SUSD1: variants seen among roughly 807,000 people sequenced by gnomAD.
SUSD1 encodes sushi domain containing 1, also known as sushi domain-containing protein 1.
A neutral mutation model predicts 86.9 loss-of-function variants in SUSD1; 65 were observed. The observed-to-expected ratio is 0.75, with a 90% CI of 0.61 to 0.92. The LOEUF (loss-of-function observed/expected upper bound fraction) is 0.92, where lower values mean the gene tolerates loss of function less well. Ranked by LOEUF, SUSD1 falls within the 40% of genes least tolerant of loss-of-function variation. The pLI is 0.00. For missense variants in SUSD1, 850 were observed against 929.7 expected (o/e 0.91, Z 1.11); for synonymous variants, 346 against 350.0 (o/e 0.99, Z 0.13).
At chr9:112,157,634 T>G (rs1238514512) in intron 1 of SUSD1, 21 bp from the exon 2 acceptor site, 3 of 1,598,498 alleles carry the variant, frequency 1.9e-6, no homozygotes, top group Non-Finnish European at 2.6e-6. Flanking sequence ...AATTGTATGT[T>G]TCAGAAAAAG....
rs146532091 is a variant in SUSD1, at chr9:112,081,753, G to A, written c.1475-1588C>T. On this transcript the variant is annotated intron_variant, in intron 10 of 16. Transcript: ENST00000374270. ...TACAAAAATCCAAAATAAAATATTAGCACAAAGAAGTCAGTAGTACATTCA... is the reference window on the plus strand; with the variant it reads ...TACAAAAATCCAAAATAAAATATTAACACAAAGAAGTCAGTAGTACATTCA... Among the ~76,000 whole-genome samples the A allele has an allele frequency of 8.5e-5, 13 of 152,162 alleles. No individual in the cohort carries two copies. In the East Asian group the frequency reaches 2.5e-3, roughly 29 times the overall value.
intron 1 of SUSD1, among the ~76,000 whole-genome samples, 184 bp downstream of exon 1, chr9:112,174,948 GC>G (rs1296209147): frequency 6.6e-6 from 1 of 151,496 alleles, no homozygotes; most frequent in Non-Finnish European, 1.5e-5. Context: ...CCGGCGGGGA[GC>G]CCCCCGCTTC....
At chr9:112,148,587 CAG>C (rs1340995437) in intron 3 of SUSD1, among the ~76,000 whole-genome samples, 2 of 152,238 alleles carry the variant, frequency 1.3e-5, no homozygotes, top group Admixed American at 1.3e-4. Context: ...ACACCATCTC[CAG>C]AGAGTCCCTC....
intron 13 of SUSD1, 32 bp from the exon 14 acceptor site, chr9:112,058,718 C>CCCTT: frequency 6.2e-7 from 1 of 1,609,424 alleles, no homozygotes; most frequent in Non-Finnish European, 8.5e-7. Context: ...GTCCATCAGA[C>CCCTT]CCTTGCATGG....
At chr9:112,162,040 T>G (rs1833593880) in intron 1 of SUSD1, among the ~76,000 whole-genome samples, 1 of 152,098 alleles carries the variant, frequency 6.6e-6, no homozygotes, top group Non-Finnish European at 1.5e-5. Flanking sequence ...AAAATTACAG[T>G]TTTTACTTTA....
At chr9:112,164,213 A>C (rs958099573) in intron 1 of SUSD1, among the ~76,000 whole-genome samples, 3 of 152,186 alleles carry the variant, frequency 2.0e-5, no homozygotes, top group Non-Finnish European at 4.4e-5. Flanking sequence ...GTTCAAGTTT[A>C]TTTAATAAAT....
At chr9:112,087,273 C>A (rs914145874) in intron 10 of SUSD1, among the ~76,000 whole-genome samples, 1 of 152,150 alleles carries the variant, frequency 6.6e-6, no homozygotes, top group Non-Finnish European at 1.5e-5. Context: ...CTGAACCCTG[C>A]TGGGTTCAAG....
At chr9:112,052,179 C>T (rs937098572) in intron 15 of SUSD1, 52 of 1,480,356 alleles carry the variant, frequency 3.5e-5, no homozygotes, top group Admixed American at 1.9e-4. Context: ...AGTCCCAGTT[C>T]CTGGAGCCTT....
Position 112,133,167 on chromosome 9 carries a change from C to T in SUSD1, c.707-8731G>A, listed in dbSNP as rs139354095. On this transcript the variant is annotated intron_variant, in intron 5 of 16. Coordinates refer to ENST00000374270, the MANE Select transcript of SUSD1 (RefSeq NM_022486.5). ...AGCCAGGCATGTAGTCCCAGCTACT[C>T]GGGAGACTCAGGCAGGAAGATCCCT... Among the ~76,000 whole-genome samples, 66 of 152,208 alleles carry T rather than the reference C, an allele frequency of 4.3e-4. No homozygotes were observed. The East Asian group carries it at 0.012, about 27-fold the overall frequency.
At chr9:112,086,335 T>C (rs1453933586) in intron 10 of SUSD1, among the ~76,000 whole-genome samples, 1 of 143,224 alleles carries the variant, frequency 7.0e-6, no homozygotes, top group Non-Finnish European at 1.5e-5. Flanking sequence ...ATCTGTTAAA[T>C]AGAAAAATAA....
At chr9:112,151,747 C>G (rs1460430446) in intron 2 of SUSD1, among the ~76,000 whole-genome samples, 2 of 151,076 alleles carry the variant, frequency 1.3e-5, no homozygotes, top group Non-Finnish European at 2.9e-5. Context: ...ACTAAAAATA[C>G]AAAAATTAGG....
intron 12 of SUSD1, among the ~76,000 whole-genome samples, chr9:112,074,790 G>T (rs986603081): frequency 2.0e-5 from 3 of 150,280 alleles, no homozygotes; most frequent in African/African-American, 7.3e-5. Flanking sequence ...AAAGAAAGGG[G>T]TTGGTTTTTT....
At chr9:112,058,179 G>T (rs925226278) in intron 14 of SUSD1, among the ~76,000 whole-genome samples, 5 of 141,172 alleles carry the variant, frequency 3.5e-5, no homozygotes, top group Non-Finnish European at 7.5e-5. Context: ...CATCTGTAAA[G>T]CTTAAGAGTA....
At chr9:112,140,805 G>A (rs966178382) in intron 5 of SUSD1, among the ~76,000 whole-genome samples, 2 of 152,162 alleles carry the variant, frequency 1.3e-5, no homozygotes, top group African/African-American at 2.4e-5. Context: ...GTCACAGAGT[G>A]TACTTACACA....
chr9:112,135,084 AATGTT>A (rs1334453947), intron 5 of SUSD1, among the ~76,000 whole-genome samples: 1 of 152,080 alleles, frequency 6.6e-6, no homozygotes, highest in Admixed American at 6.6e-5. Flanking sequence ...AAGAAAAGAA[AATGTT>A]ATTGCAAGCA....
At chr9:112,066,404 C>T (rs2131513220) in intron 12 of SUSD1, among the ~76,000 whole-genome samples, 1 of 152,302 alleles carries the variant, frequency 6.6e-6, no homozygotes. Flanking sequence ...CTTGAGTACA[C>T]AGGAAATGTC....
chr9:112,088,119 A>G (rs912073743), intron 10 of SUSD1, among the ~76,000 whole-genome samples: 3 of 152,262 alleles, frequency 2.0e-5, no homozygotes, highest in South Asian at 2.1e-4. Flanking sequence ...AGATTTTTAT[A>G]TCTAGCCAAG....
intron 1 of SUSD1, among the ~76,000 whole-genome samples, chr9:112,158,731 C>T (rs919097592): frequency 2.6e-5 from 4 of 152,142 alleles, no homozygotes; most frequent in Admixed American, 2.6e-4. Flanking sequence ...GCATCTTCCT[C>T]TGTGCTCCCC....
intron 1 of SUSD1, among the ~76,000 whole-genome samples, chr9:112,165,438 C>A (rs978037771): frequency 4.3e-5 from 5 of 115,202 alleles, no homozygotes; most frequent in East Asian, 2.6e-4. Flanking sequence ...GAGACAAGGT[C>A]TCGCTCTGTC....
Sources: allele counts gnomAD v4.1 joint callset (sites outside exome capture counted in the v4.1 genomes callset), GRCh38; gene constraint gnomAD v4.1.1; transcripts MANE v1.5; gene names NCBI Gene and HGNC (gene_info 2026-07-23, HGNC 2026-07-21).